The following SLC4A4 variants were observed in gnomAD, a reference collection of about 807,000 sequenced individuals.
The protein encoded by SLC4A4 is solute carrier family 4 member 4.
SLC4A4 carries 27 observed loss-of-function variants against 111.5 expected under a neutral mutation model. The ratio of observed to expected loss-of-function variants is 0.24; its 90% CI spans 0.18 to 0.33. SLC4A4 has a LOEUF of 0.33. Among genes scored for constraint, SLC4A4 ranks in the 10% least tolerant of loss-of-function variants. The probability of loss-of-function intolerance (pLI) is 1.00; values close to 1 mark genes in which losing one functional copy is unlikely to be tolerated. For missense variants in SLC4A4, 909 were observed against 1,315.5 expected, an observed-to-expected ratio of 0.69 and a Z score of 4.78; for synonymous variants, 443 against 463.4, an observed-to-expected ratio of 0.96 and a Z score of 0.57.
intron 3 of SLC4A4, among the ~76,000 whole-genome samples, chr4:71,261,945 A>T (rs916902774): frequency 6.6e-6 from 1 of 152,098 alleles, no homozygotes; most frequent in Non-Finnish European, 1.5e-5. Flanking sequence ...AGGGTGGAAA[A>T]TGGGGGGAAA....
At chr4:71,200,518 C>T (rs1490711053) in intron 1 of SLC4A4, among the ~76,000 whole-genome samples, 2 of 152,166 alleles carry the variant, frequency 1.3e-5, no homozygotes, top group African/African-American at 4.8e-5. Flanking sequence ...TGCTCCTACA[C>T]TGAGTGTTTC....
intron 18 of SLC4A4, among the ~76,000 whole-genome samples, chr4:71,537,870 T>G (rs1202586876): frequency 6.6e-6 from 1 of 152,116 alleles, no homozygotes; most frequent in African/African-American, 2.4e-5. Flanking sequence ...CTCCAAGGAT[T>G]GGCACGGTCT....
chr4:71,269,076 C>A (rs1320811888), intron 3 of SLC4A4, among the ~76,000 whole-genome samples: 1 of 152,134 alleles, frequency 6.6e-6, no homozygotes, highest in East Asian at 1.9e-4. Context: ...AGAACAAGGT[C>A]TTTGGACTTC....
chr4:71,124,805 A>G (rs1052239354), intron 2 of SLC4A4, among the ~76,000 whole-genome samples: 5 of 152,170 alleles, frequency 3.3e-5, no homozygotes, highest in Non-Finnish European at 7.3e-5. Flanking sequence ...GACCCAGGAG[A>G]TGTGAAGGAC....
At chr4:71,426,907 T>C (rs913939192) in intron 7 of SLC4A4, among the ~76,000 whole-genome samples, 1 of 152,138 alleles carries the variant, frequency 6.6e-6, no homozygotes, top group Non-Finnish European at 1.5e-5. Context: ...AGTTTTTCAC[T>C]GTCCTTTATT....
intron 2 of SLC4A4, among the ~76,000 whole-genome samples, chr4:71,147,247 TTCTC>T (rs1390740033): frequency 6.6e-6 from 1 of 151,986 alleles, no homozygotes; most frequent in Non-Finnish European, 1.5e-5. Flanking sequence ...GCCCTCCCCT[TTCTC>T]TCCTTTCAAA....
At chr4:71,116,414 A>G (rs1210525285) in intron 2 of SLC4A4, among the ~76,000 whole-genome samples, 1 of 152,222 alleles carries the variant, frequency 6.6e-6, no homozygotes, top group East Asian at 1.9e-4. Flanking sequence ...TACCTTTAAT[A>G]CAAAACGAGT....
At chr4:71,492,800 T>A (rs1730059022) in intron 15 of SLC4A4, among the ~76,000 whole-genome samples, 1 of 151,964 alleles carries the variant, frequency 6.6e-6, no homozygotes, top group African/African-American at 2.4e-5. Flanking sequence ...ACGAGAGTTC[T>A]GCAAAAACCA....
intron 2 of SLC4A4, among the ~76,000 whole-genome samples, chr4:71,254,450 C>T (rs982801903): frequency 6.6e-6 from 1 of 151,762 alleles, no homozygotes; most frequent in East Asian, 1.9e-4. Context: ...TTGCTGGGCT[C>T]GGTTTATTTT....
At chr4:71,170,140 A>T (rs960593618) in intron 2 of SLC4A4, among the ~76,000 whole-genome samples, 16 of 151,938 alleles carry the variant, frequency 1.1e-4, no homozygotes, top group Admixed American at 8.5e-4. Flanking sequence ...TAAATATTCT[A>T]CCTCATTACT....
chr4:71,180,430 G>A (rs1481768789), intron 2 of SLC4A4, among the ~76,000 whole-genome samples: 2 of 152,064 alleles, frequency 1.3e-5, no homozygotes, highest in Non-Finnish European at 2.9e-5. Flanking sequence ...CAGAATGGGA[G>A]AAAATTTTTG....
intron 3 of SLC4A4, among the ~76,000 whole-genome samples, chr4:71,274,301 G>C (rs1280067393): frequency 2.6e-5 from 4 of 152,138 alleles, no homozygotes; most frequent in African/African-American, 9.7e-5. Context: ...AAGAAGAAGA[G>C]CGGATGGTCT....
At chr4:71,382,167 A>G (rs79886844) in intron 6 of SLC4A4, among the ~76,000 whole-genome samples, 3,225 of 151,950 alleles carry the variant, frequency 0.021, 118 homozygotes, top group East Asian at 0.14. Flanking sequence ...TGTAATTTTT[A>G]TAGTTCATTG....
At chr4:71,422,390 C>G (rs1343487171) in intron 7 of SLC4A4, among the ~76,000 whole-genome samples, 1 of 147,422 alleles carries the variant, frequency 6.8e-6, no homozygotes, top group Non-Finnish European at 1.5e-5. Context: ...GGATTCACAG[C>G]CGAATTCTAC....
intron 6 of SLC4A4, among the ~76,000 whole-genome samples, chr4:71,368,718 A>G (rs1731568891): frequency 6.6e-6 from 1 of 152,206 alleles, no homozygotes; most frequent in Non-Finnish European, 1.5e-5. Context: ...AGTGTTTATT[A>G]TGTAAATCTT....
chr4:71,447,984 T>C (rs1055687515), intron 9 of SLC4A4, among the ~76,000 whole-genome samples: 15 of 152,188 alleles, frequency 9.9e-5, no homozygotes, highest in African/African-American at 2.9e-4. Context: ...TTACCAAACA[T>C]TTTCATTTCT....
At chr4:71,562,100 A>G (rs1347889685) in intron 23 of SLC4A4, among the ~76,000 whole-genome samples, 1 of 151,810 alleles carries the variant, frequency 6.6e-6, no homozygotes, top group Non-Finnish European at 1.5e-5. Context: ...TATTTCATTT[A>G]AAGTGTTTTT....
At chr4:71,483,195 C>T (rs532531487) in intron 14 of SLC4A4, among the ~76,000 whole-genome samples, 15 of 151,380 alleles carry the variant, frequency 9.9e-5, no homozygotes, top group South Asian at 6.2e-4. Context: ...CATTTAAGTT[C>T]GGGATACATG....
intron 18 of SLC4A4, among the ~76,000 whole-genome samples, chr4:71,540,839 G>A (rs1734980488): frequency 6.6e-6 from 1 of 152,160 alleles, no homozygotes; most frequent in African/African-American, 2.4e-5. Flanking sequence ...AAGGCCCAGG[G>A]AGGGAAGGAG....
Sources: gnomAD v4.1 joint callset for allele counts (sites outside exome capture counted in the v4.1 genomes callset) on GRCh38, gnomAD v4.1.1 for gene constraint, MANE v1.5 for transcripts, NCBI Gene and HGNC (gene_info 2026-07-23, HGNC 2026-07-21) for gene names.